Variants in ZBTB38 observed in about 807,000 individuals in gnomAD.
ZBTB38 encodes the protein zinc finger and BTB domain-containing protein 38.
A neutral mutation model predicts 76.8 loss-of-function variants in ZBTB38; 20 were observed. That is an observed-to-expected ratio of 0.26 (90% CI 0.18 to 0.38). The LOEUF (loss-of-function observed/expected upper bound fraction) is 0.38, where lower values mean the gene tolerates loss of function less well. Among genes scored for constraint, ZBTB38 ranks in the 10% least tolerant of loss-of-function variants. The pLI is 1.00. For missense variants in ZBTB38, 1,082 were observed against 1,482.3 expected, an observed-to-expected ratio of 0.73 and a Z score of 4.43; for synonymous variants, 504 against 544.2, an observed-to-expected ratio of 0.93 and a Z score of 1.03.
intron 2 of ZBTB38, among the ~76,000 whole-genome samples, chr3:141,380,538 A>G (rs1014075282): frequency 3.3e-5 from 5 of 152,182 alleles, no homozygotes; most frequent in Non-Finnish European, 5.9e-5. Flanking sequence ...TCCCACTGGT[A>G]GTGGTAGAGA....
At chr3:141,434,485 G>A (rs1559958178) in intron 5 of ZBTB38, among the ~76,000 whole-genome samples, 4 of 152,116 alleles carry the variant, frequency 2.6e-5, no homozygotes, top group African/African-American at 9.7e-5. Flanking sequence ...TATCTGTGCT[G>A]TTTCAGTCTT....
Position 141,394,663 on chromosome 3 carries a change from C to T in ZBTB38, c.-106+7726C>T, listed in dbSNP as rs558612969. On this transcript the variant is annotated intron_variant, in intron 4 of 5. Coordinates refer to ENST00000321464, the MANE Select transcript of ZBTB38 (RefSeq NM_001376113.1). ...CTTCCTTCACCAGCCTATCCAGCCC[C>T]TAGTCTGAGTGCCTGTGGAGCCATC... is the stretch of plus-strand genomic sequence containing the variant. Among the ~76,000 whole-genome samples, 298 of 152,298 alleles carry T rather than the reference C, an allele frequency of 2.0e-3. 2 individuals carry two copies. The highest frequency in any genetic ancestry group is 7.0e-3 in the African/African-American group (292 of 41,560).
chr3:141,338,049 A>T (rs768044095), intron 1 of ZBTB38, among the ~76,000 whole-genome samples: 8 of 152,246 alleles, frequency 5.3e-5, no homozygotes, highest in Non-Finnish European at 2.9e-5. Flanking sequence ...AAAAATGTTC[A>T]ACATCACCAA....
At chr3:141,340,927 A>AAAAAGAAAAGAAAAGAAAAGAAAAG (rs752742012) in intron 1 of ZBTB38, among the ~76,000 whole-genome samples, 7,383 of 101,896 alleles carry the variant, frequency 0.072, 534 homozygotes, top group Admixed American at 0.1. Flanking sequence ...AAGGAAAGGA[A>AAAAAGAAAAGAAAAGAAAAGAAAAG]AAAAGAAAAG....
At chr3:141,375,943 G>A (rs1034008647) in intron 2 of ZBTB38, among the ~76,000 whole-genome samples, 1 of 152,188 alleles carries the variant, frequency 6.6e-6, no homozygotes, top group Non-Finnish European at 1.5e-5. Flanking sequence ...GCCAGAGCAG[G>A]AGGAACCTGA....
At chr3:141,326,147 T>C (rs2148867781) in intron 1 of ZBTB38, among the ~76,000 whole-genome samples, 1 of 152,348 alleles carries the variant, frequency 6.6e-6, no homozygotes, top group East Asian at 1.9e-4. Context: ...AAGTTAAGAC[T>C]ATTTCAAAGT....
At position 141,443,834 on chromosome 3, in the gene ZBTB38, C is replaced by T. The variant is rs2080725921; in HGVS notation, c.1446C>T (p.His482=). The change falls in exon 6 of 6, where the codon CAC becomes CAT. Residue 482 remains histidine (H), a synonymous_variant. Transcript: ENST00000321464. The surrounding 1 kb of genome is among the most constrained non-coding windows in gnomAD (Gnocchi z 5.6). Reference sequence around the variant, plus strand: ...GCCTCCGAAGACATGCAAATGTTCACTCCTGGAGAAGAACATATCCTTGCC... The same window carrying T: ...GCCTCCGAAGACATGCAAATGTTCATTCCTGGAGAAGAACATATCCTTGCC... ...LSSLRRHANV[H]SWRRTYPCHY... is the part of the protein sequence containing the mutation. 6.2e-7 allele frequency: 1 copy of T among 1,613,912 alleles called. No homozygotes were observed. The highest frequency in any genetic ancestry group is 1.1e-5 in the South Asian group (1 of 91,084).
upstream of ZBTB38, chr3:141,368,223 G>A (rs1284459170): frequency 6.6e-6 from 1 of 152,358 alleles, no homozygotes; most frequent in Middle Eastern, 3.1e-3. Context: ...CCTCTGCCAT[G>A]CAGGAGGGTG....
At position 141,445,040 on chromosome 3, in the gene ZBTB38, T is replaced by C; in HGVS notation, c.2652T>C (p.Ser884=). The C allele has an allele frequency of 1.2e-6, 2 of 1,614,126 alleles. No homozygotes were observed. Among genetic ancestry groups the C allele is most frequent in the Non-Finnish European group, 1.7e-6 (2 of 1,180,018 alleles). Residue 884 remains serine, a synonymous_variant, in exon 6 of 6, where the codon AGT becomes AGC. Transcript: ENST00000321464. This position sits in a 1 kb window ranked among gnomAD's most constrained non-coding sequence, Gnocchi z 6.5. ...CACAGGGGAATGACCCAGAACCCAG[T>C]GGAGACAGCCCACTCGGGCTTTGCC... ...PLPQGNDPEP[S]GDSPLGLCQS...
rs1409104105 is a variant in ZBTB38, at chr3:141,447,502, C to T, written c.*1526C>T. 1 of 152,590 alleles carries T rather than the reference C, an allele frequency of 6.6e-6. No individual in the cohort carries two copies. The highest frequency in any genetic ancestry group is 1.5e-5 in the Non-Finnish European group (1 of 68,036). 9.5% of individuals were successfully genotyped at this position (152,590 alleles called of 1,614,324 possible). On this transcript the variant is annotated 3_prime_UTR_variant, in exon 6 of 6. Coordinates refer to ENST00000321464, the MANE Select transcript of ZBTB38 (RefSeq NM_001376113.1). ...ACTAGGTTCCTGGAAAGCCGGAACT[C>T]ATGATTCTTTTTCAAACTGCCAGAA...
intron 4 of ZBTB38, among the ~76,000 whole-genome samples, chr3:141,398,401 T>C (rs540746307): frequency 6.6e-6 from 1 of 152,258 alleles, no homozygotes; most frequent in Admixed American, 6.5e-5. Flanking sequence ...TTTGGCCTTT[T>C]ATCTACGCAT....
intron 1 of ZBTB38, among the ~76,000 whole-genome samples, chr3:141,340,690 G>A (rs989753968): frequency 5.9e-5 from 9 of 152,004 alleles, no homozygotes; most frequent in Admixed American, 5.9e-4. Flanking sequence ...GAGGTCAGCA[G>A]ATCAAGACCA....
At chr3:141,390,173 A>G (rs927622182) in intron 4 of ZBTB38, 26 of 152,202 alleles carry the variant, frequency 1.7e-4, no homozygotes, top group African/African-American at 6.0e-4. Flanking sequence ...AAGCTTTCCT[A>G]AACTTACCCA....
chr3:141,329,334 A>G lies in ZBTB38; in HGVS notation c.-739+4878A>G, dbSNP rs573733235. Among the ~76,000 whole-genome samples, 3 of 152,352 alleles carry G rather than the reference A, an allele frequency of 2.0e-5. No homozygotes were observed. In the South Asian group the frequency reaches 6.2e-4, roughly 32 times the overall value. The stretch of plus-strand genomic sequence containing the variant: ...TTAGAGAAATGCCTTCAACATGCTC[A>G]GGAAAAATAACTTCGATACATCACT... On this transcript the variant is annotated intron_variant, in intron 1 of 7. Coordinates refer to the ZBTB38 transcript ENST00000509842.
intron 1 of ZBTB38, among the ~76,000 whole-genome samples, chr3:141,358,309 C>T (rs1211611799): frequency 6.6e-6 from 1 of 152,120 alleles, no homozygotes; most frequent in African/African-American, 2.4e-5. Context: ...GGGATCCTGC[C>T]AGGCCCAGGG....
At chr3:141,392,527 G>A (rs1035526741) in intron 4 of ZBTB38, among the ~76,000 whole-genome samples, 7 of 152,078 alleles carry the variant, frequency 4.6e-5, no homozygotes, top group African/African-American at 9.7e-5. Flanking sequence ...TATACTGTTC[G>A]CTAGAGGCCA....
At chr3:141,356,101 G>A (rs2148946162) in intron 1 of ZBTB38, among the ~76,000 whole-genome samples, 1 of 152,134 alleles carries the variant, frequency 6.6e-6, no homozygotes, top group East Asian at 1.9e-4. Context: ...GGGTTGTGTG[G>A]CCAAGTGCAT....
chr3:141,359,754 G>C (rs1943766191), intron 1 of ZBTB38, among the ~76,000 whole-genome samples: 1 of 151,796 alleles, frequency 6.6e-6, no homozygotes, highest in Non-Finnish European at 1.5e-5. Flanking sequence ...AACACAGCAA[G>C]ACCTCATCTC....
At chr3:141,332,734 C>G (rs569037628) in intron 1 of ZBTB38, among the ~76,000 whole-genome samples, 1 of 152,156 alleles carries the variant, frequency 6.6e-6, no homozygotes, top group East Asian at 1.9e-4. Flanking sequence ...AAAGAAGAAA[C>G]CCAGAGGGCA....
Sources: gnomAD v4.1 joint callset for allele counts (sites outside exome capture counted in the v4.1 genomes callset) on GRCh38, gnomAD v4.1.1 for gene constraint, Gnocchi (gnomAD v3.1) non-coding constraint, MANE v1.5 for transcripts, NCBI Gene and HGNC (gene_info 2026-07-23, HGNC 2026-07-21) for gene names.